KDM4C: variants seen among roughly 807,000 people sequenced by gnomAD.
KDM4C encodes the protein lysine-specific demethylase 4C.
KDM4C carries 81 observed loss-of-function variants against 129.3 expected under a neutral mutation model. The ratio of observed to expected loss-of-function variants is 0.63; its 90% CI spans 0.52 to 0.75. KDM4C has a LOEUF of 0.75. KDM4C is among the 30% of genes least tolerant of loss of function. The probability of loss-of-function intolerance (pLI) is 0.00; values close to 1 mark genes in which losing one functional copy is unlikely to be tolerated. For synonymous variants in KDM4C, 573 were observed against 456.1 expected (o/e 1.26, Z -3.26); for missense variants, 1,457 against 1,304.0 (o/e 1.12, Z -1.81).
intron 4 of KDM4C, among the ~76,000 whole-genome samples, chr9:6,842,008 T>C (rs1837018878): frequency 6.6e-6 from 1 of 152,216 alleles, no homozygotes; most frequent in Non-Finnish European, 1.5e-5. Flanking sequence ...ATATTGATCA[T>C]GGAACAGAGA....
intron 1 of KDM4C, among the ~76,000 whole-genome samples, chr9:6,739,988 C>G (rs773033480): frequency 1.4e-4 from 21 of 151,880 alleles, no homozygotes; most frequent in Non-Finnish European, 2.5e-4. Context: ...CTCGTGGGTT[C>G]AAGTGATTCT....
intron 5 of KDM4C, among the ~76,000 whole-genome samples, chr9:6,857,922 G>GTT (rs71487861): frequency 0.057 from 5,820 of 102,972 alleles, 275 homozygotes; most frequent in South Asian, 0.13. Flanking sequence ...ATCTGGCTAA[G>GTT]TTTTTTTTTT....
rs1008525519 is a variant in KDM4C, at chr9:7,093,216, T to A, written c.2425-10469T>A. ...CACCCCTCTTTTGAGGACCTGTTAA[T>A]GGCTAACAGGAAACACAGGAAAATG... On this transcript the variant is annotated intron_variant, in intron 17 of 21. Transcript: ENST00000381309. Among the ~76,000 whole-genome samples the A allele has an allele frequency of 2.0e-5, 3 of 152,150 alleles. No homozygotes were observed. The East Asian group carries it at 5.8e-4, about 29-fold the overall frequency.
chr9:6,946,719 A>G (rs4742272), intron 8 of KDM4C, among the ~76,000 whole-genome samples: 94,562 of 151,992 alleles, frequency 0.62, 30,770 homozygotes, highest in East Asian at 0.92. Flanking sequence ...TATGTCACTC[A>G]TGTTCTTTCT....
chr9:7,015,853 G>C lies in KDM4C; in HGVS notation c.2183G>C (p.Ser728Thr). The C allele has an allele frequency of 6.2e-7, 1 of 1,605,848 alleles. No homozygotes were observed. The highest frequency in any genetic ancestry group is 8.5e-7 in the Non-Finnish European group (1 of 1,172,728). The change falls in exon 15 of 22, where the codon AGT (serine) becomes ACT (threonine). Residue 728 changes from serine to threonine, a missense_variant and splice_region_variant. Physicochemically the swap from Ser to Thr is moderately conservative, Grantham distance 58 (BLOSUM62 1). Transcript: ENST00000381309. The part of the protein sequence containing the change: ...CAKCCVRVHA[S>T]CYGIPSHEIC... ...ATGGATACATACTATTATTTTATAG[G>C]TTGTTATGGTATTCCTTCTCATGAG...
chr9:6,900,834 G>T (rs948973863), intron 8 of KDM4C, among the ~76,000 whole-genome samples: 2 of 152,172 alleles, frequency 1.3e-5, no homozygotes, highest in Admixed American at 6.5e-5. Flanking sequence ...GTGTGGGGAA[G>T]TTCTGAGGCA....
intron 18 of KDM4C, among the ~76,000 whole-genome samples, chr9:7,107,843 A>G (rs1073495): frequency 0.45 from 68,478 of 151,702 alleles, 15,800 homozygotes; most frequent in East Asian, 0.75. Context: ...AAGGACAGAA[A>G]GTATTTGTTG....
chr9:6,964,484 C>G (rs1261638028), intron 8 of KDM4C, among the ~76,000 whole-genome samples: 4 of 152,106 alleles, frequency 2.6e-5, no homozygotes, highest in African/African-American at 9.7e-5. Context: ...TTAATCCAGT[C>G]TATCATTGAT....
rs1351821058 is a variant in KDM4C, at chr9:6,904,294, C to T, written c.921+11062C>T. ...TCTATCTATATATTTATACCTATAT[C>T]TATATATGTCTTTCATTTACAGCAA... On this transcript the variant is annotated intron_variant, in intron 8 of 21. Coordinates refer to ENST00000381309, the MANE Select transcript of KDM4C (RefSeq NM_015061.6). Among the ~76,000 whole-genome samples the T allele has an allele frequency of 3.9e-5, 6 of 152,066 alleles. No homozygotes were observed. In the East Asian group the frequency reaches 1.2e-3, roughly 29 times the overall value.
chr9:6,799,349 G>A (rs1429667764), intron 2 of KDM4C, among the ~76,000 whole-genome samples: 4 of 152,218 alleles, frequency 2.6e-5, no homozygotes, highest in African/African-American at 7.2e-5. Flanking sequence ...GATCACTCGC[G>A]GTTAGGAGCT....
intron 1 of KDM4C, among the ~76,000 whole-genome samples, chr9:6,777,182 G>A (rs1823260667): frequency 6.6e-6 from 1 of 152,120 alleles, no homozygotes; most frequent in South Asian, 2.1e-4. Context: ...GCAGCTATCT[G>A]GGAAGAATTC....
intron 21 of KDM4C, chr9:7,170,396 A>G: frequency 3.0e-6 from 3 of 996,578 alleles, no homozygotes; most frequent in Non-Finnish European, 3.6e-6. Flanking sequence ...CTTTCATAAT[A>G]AAAGGGATAA....
chr9:6,748,472 A>C (rs137955471), intron 1 of KDM4C, among the ~76,000 whole-genome samples: 12,020 of 151,560 alleles, frequency 0.079, 682 homozygotes, highest in South Asian at 0.23. Context: ...ACGCCATTGC[A>C]CTCCAGCCTG....
At chr9:6,749,270 C>T (rs187784655) in intron 1 of KDM4C, among the ~76,000 whole-genome samples, 1 of 152,314 alleles carries the variant, frequency 6.6e-6, no homozygotes, top group East Asian at 1.9e-4. Context: ...TCACTCACCT[C>T]AGCCTCCCAA....
At position 6,814,765 on chromosome 9, in the gene KDM4C, G is replaced by C. The variant is rs1264328750; in HGVS notation, c.435+20G>C. The C allele has an allele frequency of 2.1e-6, 3 of 1,439,630 alleles. No homozygotes were observed. Among genetic ancestry groups the C allele is most frequent in the Non-Finnish European group, 2.9e-6 (3 of 1,028,010 alleles). The allele number at this position is 1,439,630 out of a possible 1,614,324, so 89.2% of individuals were successfully genotyped here. A position where few individuals can be genotyped will look rare whatever the true frequency, so the allele number is the denominator to read the frequency against. On this transcript the variant is annotated intron_variant, in intron 4 of 21. Transcript: ENST00000381309. ...GATGAGGTACATTCATATTTACAGT[G>C]AGTTTTGTAAAGATCATTGGATGTG...
At chr9:6,760,575 T>A (rs1230138974) in intron 1 of KDM4C, among the ~76,000 whole-genome samples, 1 of 150,708 alleles carries the variant, frequency 6.6e-6, no homozygotes, top group Non-Finnish European at 1.5e-5. Flanking sequence ...TATTTATTTA[T>A]TTATTTATTT....
At chr9:6,892,063 T>C (rs1846183110) in intron 7 of KDM4C, among the ~76,000 whole-genome samples, 1 of 152,202 alleles carries the variant, frequency 6.6e-6, no homozygotes. Flanking sequence ...AGGCTCTGAA[T>C]GTGAACATAC....
intron 5 of KDM4C, among the ~76,000 whole-genome samples, chr9:6,873,346 A>G (rs1843052887): frequency 6.6e-6 from 1 of 152,176 alleles, no homozygotes; most frequent in South Asian, 2.1e-4. Context: ...TATCTGTGAA[A>G]GTCCTAGATG....
At chr9:6,746,262 G>GT (rs778939269) in intron 1 of KDM4C, among the ~76,000 whole-genome samples, 1,442 of 61,180 alleles carry the variant, frequency 0.024, 13 homozygotes, top group East Asian at 0.057. Flanking sequence ...ATATATATAT[G>GT]TTTTTTTTTT....
Sources: gnomAD v4.1 joint callset for allele counts (sites outside exome capture counted in the v4.1 genomes callset) on GRCh38, gnomAD v4.1.1 for gene constraint, MANE v1.5 for transcripts, NCBI Gene and HGNC (gene_info 2026-07-23, HGNC 2026-07-21) for gene names.